NTNG2: variants seen among roughly 807,000 people sequenced by gnomAD.
NTNG2 encodes the protein netrin-G2.
In NTNG2, 15 loss-of-function variants were observed where a neutral mutation model predicts 47.6. The observed-to-expected ratio is 0.32, with a 90% CI of 0.21 to 0.49. NTNG2 has a LOEUF of 0.49. Ranked by LOEUF, NTNG2 falls within the 20% of genes least tolerant of loss-of-function variation. NTNG2 has a pLI of 0.99. For missense variants in NTNG2, 578 were observed against 764.6 expected, an observed-to-expected ratio of 0.76 and a Z score of 2.88; for synonymous variants, 307 against 324.6, an observed-to-expected ratio of 0.95 and a Z score of 0.58.
At chr9:132,171,341 G>A (rs936331111) in intron 2 of NTNG2, among the ~76,000 whole-genome samples, 1 of 152,230 alleles carries the variant, frequency 6.6e-6, no homozygotes, top group African/African-American at 2.4e-5. Context: ...CCTGGGAGAG[G>A]AAACGCCTCT....
In NTNG2 at chr9:132,231,329, T is replaced by G. The variant is rs1313038687; in HGVS notation, c.1054+734T>G. 2.2e-6 allele frequency: 1 copy of G among 456,406 alleles called. No individual in the cohort carries two copies. 28.3% of individuals were successfully genotyped at this position (456,406 alleles called of 1,614,324 possible). ...CCCCTCCCCCTGGGAGGTCGCCATC[T>G]GCTCTGCGAGGCAGCAGGAGAGGAC... is the stretch of plus-strand genomic sequence containing the variant. On this transcript the variant is annotated intron_variant, in intron 5 of 7. Coordinates refer to ENST00000393229, the MANE Select transcript of NTNG2 (RefSeq NM_032536.4). The surrounding 1 kb of genome is among the most constrained non-coding windows in gnomAD (Gnocchi z 4.1).
intron 3 of NTNG2, among the ~76,000 whole-genome samples, chr9:132,214,699 C>T (rs1466559145): frequency 6.6e-6 from 1 of 152,098 alleles, no homozygotes; most frequent in South Asian, 2.1e-4. Context: ...GACAGCCACA[C>T]GGGTGAGCCG....
At chr9:132,207,418 C>G (rs1037385654) in intron 3 of NTNG2, among the ~76,000 whole-genome samples, 1 of 152,182 alleles carries the variant, frequency 6.6e-6, no homozygotes, top group Non-Finnish European at 1.5e-5. Flanking sequence ...CTTGCAGCTG[C>G]GTCACTCCAG....
In NTNG2 at chr9:132,236,041, T is replaced by G. The variant is rs1279143567; in HGVS notation, c.1055-3063T>G. On this transcript the variant is annotated intron_variant, in intron 5 of 7. Transcript: ENST00000393229. The surrounding 1 kb of genome is among the most constrained non-coding windows in gnomAD (Gnocchi z 4.3). ...TCCCTCCGAGGGCTTCGGAGTCTGG[T>G]AGAGGCCCCGCCTCCCACGACAGGA... 6.6e-6 allele frequency among the ~76,000 whole-genome samples: 1 copy of G among 152,100 alleles called. No individual in the cohort carries two copies. The highest frequency in any genetic ancestry group is 1.5e-5 in the Non-Finnish European group (1 of 67,994).
At chr9:132,189,466 G>GT (rs1366015386) in intron 2 of NTNG2, among the ~76,000 whole-genome samples, 5 of 152,086 alleles carry the variant, frequency 3.3e-5, no homozygotes, top group African/African-American at 1.2e-4. Flanking sequence ...CAAGACCTGT[G>GT]TGTCCAGGTC....
At chr9:132,241,725 G>A in intron 7 of NTNG2, 151 bp from the exon 8 acceptor site, 1 of 572,232 alleles carries the variant, frequency 1.7e-6, no homozygotes, top group Non-Finnish European at 3.0e-6. Flanking sequence ...CCCTCCGAGG[G>A]GGGACGTTTC....
Position 132,215,815 on chromosome 9 carries a change from C to T in NTNG2, c.858-11034C>T, listed in dbSNP as rs917259700. On this transcript the variant is annotated intron_variant, in intron 3 of 7. Transcript: ENST00000393229. The surrounding 1 kb of genome is among the most constrained non-coding windows in gnomAD (Gnocchi z 4.2). ...GCACCTCAGGGCTGCCAGGTAAGGC[C>T]GATCTTGGCACCTGGGAGCCCATGT... is the stretch of plus-strand genomic sequence containing the variant. Among the ~76,000 whole-genome samples, 3 of 152,138 alleles carry T rather than the reference C, an allele frequency of 2.0e-5. No homozygotes were observed. Among genetic ancestry groups the T allele is most frequent in the Non-Finnish European group, 4.4e-5 (3 of 68,024 alleles).
chr9:132,187,671 A>G (rs1837511486), intron 2 of NTNG2, among the ~76,000 whole-genome samples: 1 of 152,050 alleles, frequency 6.6e-6, no homozygotes, highest in African/African-American at 2.4e-5. Context: ...TAGAATTAGA[A>G]TCAGCTCTGA....
At chr9:132,202,127 T>C (rs905088657) in intron 3 of NTNG2, among the ~76,000 whole-genome samples, 2 of 152,224 alleles carry the variant, frequency 1.3e-5, no homozygotes, top group Non-Finnish European at 2.9e-5. Flanking sequence ...GCCTGTATGA[T>C]GGAGCGATCC....
chr9:132,178,545 G>A (rs1310993332), intron 2 of NTNG2, among the ~76,000 whole-genome samples: 1 of 152,050 alleles, frequency 6.6e-6, no homozygotes, highest in Non-Finnish European at 1.5e-5. Context: ...CAGGAAAGGG[G>A]ACCCCAGAAG....
intron 3 of NTNG2, among the ~76,000 whole-genome samples, chr9:132,216,617 A>G (rs919454186): frequency 1.3e-5 from 2 of 152,074 alleles, no homozygotes; most frequent in Non-Finnish European, 2.9e-5. Context: ...TATGTTCATT[A>G]TTAAATCATC....
chr9:132,181,322 CTT>C (rs781556504), intron 2 of NTNG2, among the ~76,000 whole-genome samples: 18 of 130,602 alleles, frequency 1.4e-4, no homozygotes, highest in African/African-American at 8.4e-5. Flanking sequence ...GGCTCACTTT[CTT>C]TTTTTTTTTT....
chr9:132,243,910 C>G lies in NTNG2; in HGVS notation c.*1799C>G, dbSNP rs1272433229. The G allele has an allele frequency of 3.3e-5, 5 of 152,610 alleles. No homozygotes were observed. The highest frequency in any genetic ancestry group is 5.9e-5 in the Non-Finnish European group (4 of 68,244). 9.5% of individuals were successfully genotyped at this position (152,610 alleles called of 1,614,324 possible). A position where few individuals can be genotyped will look rare whatever the true frequency, so the allele number is the denominator to read the frequency against. The stretch of plus-strand genomic sequence containing the variant: ...CTGCTGACCCGGAAGTGCCTTCCGA[C>G]AGGCCCTGCATCCTCCTGCAGCTGG... On this transcript the variant is annotated 3_prime_UTR_variant, in exon 8 of 8. Coordinates refer to ENST00000393229, the MANE Select transcript of NTNG2 (RefSeq NM_032536.4).
intron 2 of NTNG2, among the ~76,000 whole-genome samples, chr9:132,191,778 T>C (rs1837912195): frequency 1.3e-5 from 2 of 152,282 alleles, no homozygotes; most frequent in South Asian, 4.1e-4. Context: ...TTCACTGTGT[T>C]AGCCAGGATG....
chr9:132,189,180 G>T (rs1837667359), intron 2 of NTNG2, among the ~76,000 whole-genome samples: 1 of 147,458 alleles, frequency 6.8e-6, no homozygotes, highest in Non-Finnish European at 1.5e-5. Flanking sequence ...GGGCCCAAGG[G>T]ATCTTCCTAT....
At chr9:132,184,345 G>C (rs1006751012) in intron 2 of NTNG2, among the ~76,000 whole-genome samples, 29 of 152,316 alleles carry the variant, frequency 1.9e-4, no homozygotes, top group Non-Finnish European at 1.2e-4. Context: ...GGCCGAGGAG[G>C]GGGAGTCACT....
chr9:132,241,543 G>A (rs978706239), intron 7 of NTNG2: 1 of 358,732 alleles, frequency 2.8e-6, no homozygotes, highest in East Asian at 5.7e-5. Flanking sequence ...TGTCCAAGTC[G>A]GCGTTAGCCG....
At chr9:132,228,106 G>A (rs1352496937) in intron 4 of NTNG2, among the ~76,000 whole-genome samples, 1 of 152,264 alleles carries the variant, frequency 6.6e-6, no homozygotes, top group Non-Finnish European at 1.5e-5. Flanking sequence ...CCAGGGCTTA[G>A]GGCAGCTACT....
intron 3 of NTNG2, among the ~76,000 whole-genome samples, chr9:132,203,321 CAGAG>C (rs1438880321): frequency 6.6e-6 from 1 of 151,980 alleles, no homozygotes; most frequent in Non-Finnish European, 1.5e-5. Flanking sequence ...GCCTGGGTGA[CAGAG>C]AGAGATCCTG....
Sources: gnomAD v4.1 joint callset for allele counts (sites outside exome capture counted in the v4.1 genomes callset) on GRCh38, gnomAD v4.1.1 for gene constraint, Gnocchi (gnomAD v3.1) non-coding constraint, MANE v1.5 for transcripts, NCBI Gene and HGNC (gene_info 2026-07-23, HGNC 2026-07-21) for gene names.